The following EFL1 variants were observed in gnomAD, a reference collection of about 807,000 sequenced individuals.
The protein encoded by EFL1 is elongation factor like GTPase 1.
EFL1 carries 76 observed loss-of-function variants against 126.7 expected under a neutral mutation model. The ratio of observed to expected loss-of-function variants is 0.60; its 90% CI spans 0.50 to 0.73. The LOEUF (loss-of-function observed/expected upper bound fraction) is 0.73, where lower values mean the gene tolerates loss of function less well. Ranked by LOEUF, EFL1 falls within the 30% of genes least tolerant of loss-of-function variation. The probability of loss-of-function intolerance (pLI) is 0.00; values close to 1 mark genes in which losing one functional copy is unlikely to be tolerated. For synonymous variants in EFL1, 410 were observed against 448.4 expected, an observed-to-expected ratio of 0.91 and a Z score of 1.08; for missense variants, 1,128 against 1,343.2, an observed-to-expected ratio of 0.84 and a Z score of 2.50.
At chr15:82,213,725 T>C (rs2074612988) in intron 15 of EFL1, among the ~76,000 whole-genome samples, 1 of 152,232 alleles carries the variant, frequency 6.6e-6, no homozygotes, top group Admixed American at 6.5e-5. Flanking sequence ...ATTCTTCCAA[T>C]GTCCTTTCTG....
At chr15:82,179,640 T>G (rs1255626106) in intron 15 of EFL1, among the ~76,000 whole-genome samples, 1 of 152,018 alleles carries the variant, frequency 6.6e-6, no homozygotes, top group Non-Finnish European at 1.5e-5. Flanking sequence ...TCATAATATA[T>G]ACTCTCCTTT....
At chr15:82,190,636 C>G (rs1408019524) in intron 15 of EFL1, among the ~76,000 whole-genome samples, 1 of 152,004 alleles carries the variant, frequency 6.6e-6, no homozygotes, top group African/African-American at 2.4e-5. Context: ...TGTTAGTGAT[C>G]CAATAATTTG....
intron 15 of EFL1, among the ~76,000 whole-genome samples, chr15:82,183,807 C>T (rs1157822113): frequency 4.6e-5 from 7 of 152,160 alleles, no homozygotes; most frequent in Non-Finnish European, 7.4e-5. Flanking sequence ...AAAATAAAAC[C>T]AAGCACAGGA....
intron 15 of EFL1, among the ~76,000 whole-genome samples, chr15:82,193,500 T>A (rs2074379778): frequency 6.6e-6 from 1 of 152,374 alleles, no homozygotes; most frequent in African/African-American, 2.4e-5. Flanking sequence ...CTTCTATTCA[T>A]GAGAGTCCAT....
intron 15 of EFL1, among the ~76,000 whole-genome samples, chr15:82,179,973 A>G (rs1227031043): frequency 6.6e-6 from 1 of 152,154 alleles, no homozygotes; most frequent in African/African-American, 2.4e-5. Flanking sequence ...TACAGGTAAA[A>G]CTGGTTTAAA....
At chr15:82,158,286 G>A (rs1263710056) in intron 16 of EFL1, among the ~76,000 whole-genome samples, 3 of 152,196 alleles carry the variant, frequency 2.0e-5, no homozygotes, top group Non-Finnish European at 4.4e-5. Flanking sequence ...CTGTACCAGA[G>A]CCTCATATTA....
At chr15:82,201,005 T>TGA (rs1037934991) in intron 15 of EFL1, among the ~76,000 whole-genome samples, 1 of 152,206 alleles carries the variant, frequency 6.6e-6, no homozygotes, top group African/African-American at 2.4e-5. Flanking sequence ...CCTGGGTAGC[T>TGA]GAGACTACAT....
chr15:82,248,944 C>T (rs1203051615), intron 4 of EFL1, among the ~76,000 whole-genome samples: 2 of 151,716 alleles, frequency 1.3e-5, no homozygotes, highest in African/African-American at 4.9e-5. Context: ...TTAATAATCA[C>T]ATCTGACAGG....
intron 3 of EFL1, among the ~76,000 whole-genome samples, chr15:82,256,745 G>C (rs1180759499): frequency 2.0e-5 from 3 of 152,154 alleles, no homozygotes; most frequent in Admixed American, 2.0e-4. Context: ...AAATGATCAT[G>C]ATTTTCTTCC....
chr15:82,145,818 G>A (rs557101713), intron 18 of EFL1, among the ~76,000 whole-genome samples: 1 of 141,862 alleles, frequency 7.0e-6, no homozygotes, highest in African/African-American at 2.6e-5. Flanking sequence ...CCTGGGCAAC[G>A]AGAGCGAAAC....
At chr15:82,241,463 A>G in intron 4 of EFL1, 60 bp from the exon 5 acceptor site, 1 of 1,552,466 alleles carries the variant, frequency 6.4e-7, no homozygotes, top group East Asian at 2.3e-5. Context: ...GTTCTTCCTC[A>G]GGCGTTCTAG....
chr15:82,215,062 A>G (rs2074631407), intron 14 of EFL1, among the ~76,000 whole-genome samples: 1 of 152,228 alleles, frequency 6.6e-6, no homozygotes, highest in Non-Finnish European at 1.5e-5. Flanking sequence ...AATACTAAAA[A>G]ATTGTCTAGA....
intron 15 of EFL1, among the ~76,000 whole-genome samples, chr15:82,194,163 C>T (rs910700759): frequency 3.3e-5 from 5 of 152,156 alleles, no homozygotes; most frequent in South Asian, 4.1e-4. Context: ...TGCCATTGGG[C>T]GGACTGGATC....
chr15:82,165,736 T>C (rs1438946516), intron 15 of EFL1, among the ~76,000 whole-genome samples: 11 of 152,236 alleles, frequency 7.2e-5, no homozygotes, highest in Non-Finnish European at 1.6e-4. Context: ...AACTACCTTT[T>C]GGATTTTGAA....
At chr15:82,194,640 G>A (rs1007490162) in intron 15 of EFL1, among the ~76,000 whole-genome samples, 28 of 152,280 alleles carry the variant, frequency 1.8e-4, no homozygotes, top group African/African-American at 5.8e-4. Context: ...CTTATCATCC[G>A]AGCTACGATT....
At position 82,227,579 on chromosome 15, in the gene EFL1, T is replaced by C. The variant is rs201035161; in HGVS notation, c.1070-7A>G. ...AGTTTCTGACACACCATAGCTGAAGTCTATTGTTAAGGACTGAAAACCTTG... is the reference window on the plus strand; with the variant it reads ...AGTTTCTGACACACCATAGCTGAAGCCTATTGTTAAGGACTGAAAACCTTG... On this transcript the variant is annotated splice_polypyrimidine_tract_variant and splice_region_variant and intron_variant, in intron 10 of 19. Transcript: ENST00000268206. 386 of 1,614,072 alleles carry C rather than the reference T, an allele frequency of 2.4e-4. 4 individuals carry two copies. In the East Asian group the frequency reaches 7.7e-3, roughly 32 times the overall value.
intron 14 of EFL1, among the ~76,000 whole-genome samples, chr15:82,218,385 G>T (rs1220997408): frequency 6.6e-6 from 1 of 152,084 alleles, no homozygotes; most frequent in Non-Finnish European, 1.5e-5. Flanking sequence ...AGCTGTCAAT[G>T]TATTGTATCA....
chr15:82,189,642 CT>C (rs1244335998), intron 15 of EFL1, among the ~76,000 whole-genome samples: 2 of 152,152 alleles, frequency 1.3e-5, no homozygotes, highest in Non-Finnish European at 2.9e-5. Flanking sequence ...AATGTCTCCC[CT>C]GTACTCCAAC....
chr15:82,234,284 G>A (rs915334532), intron 7 of EFL1, among the ~76,000 whole-genome samples: 6 of 152,116 alleles, frequency 3.9e-5, no homozygotes, highest in Non-Finnish European at 8.8e-5. Flanking sequence ...CGTATTATAT[G>A]ACTGAATGAA....
Sources: allele counts gnomAD v4.1 joint callset (sites outside exome capture counted in the v4.1 genomes callset), GRCh38; gene constraint gnomAD v4.1.1; transcripts MANE v1.5; gene names NCBI Gene and HGNC (gene_info 2026-07-23, HGNC 2026-07-21).